NPAS2: variants seen among roughly 807,000 people sequenced by gnomAD.
NPAS2 encodes neuronal PAS domain protein 2.
NPAS2 carries 23 observed loss-of-function variants against 107.5 expected under a neutral mutation model. That is an observed-to-expected ratio of 0.21 (90% CI 0.15 to 0.30). NPAS2 has a LOEUF of 0.30. NPAS2 is among the 10% of genes least tolerant of loss of function. NPAS2 has a pLI of 1.00. For missense variants in NPAS2, 756 were observed against 1,043.3 expected, an observed-to-expected ratio of 0.72 and a Z score of 3.79; for synonymous variants, 403 against 417.5, an observed-to-expected ratio of 0.97 and a Z score of 0.42.
At position 100,968,490 on chromosome 2, in the gene NPAS2, T is replaced by C. The variant is rs547089042; in HGVS notation, c.1055+62T>C. ...TCGCACCTGGGGGAGGGGTGCAGGA[T>C]GGCGTGGCCCCTGATGGCCAAGTCA... On this transcript the variant is annotated intron_variant, in intron 11 of 20. Coordinates refer to ENST00000335681, the MANE Select transcript of NPAS2 (RefSeq NM_002518.4). This position sits in a 1 kb window ranked among gnomAD's most constrained non-coding sequence, Gnocchi z 5.3. The C allele has an allele frequency of 1.1e-5, 17 of 1,546,780 alleles. No homozygotes were observed. In the African/African-American group the frequency reaches 1.8e-4, roughly 16 times the overall value.
chr2:100,986,747 A>G (rs1677802668), intron 16 of NPAS2: 1 of 152,232 alleles, frequency 6.6e-6, no homozygotes, highest in African/African-American at 2.4e-5. Context: ...AAAAAGAGCA[A>G]TGCTCTAACT....
chr2:100,906,224 C>A (rs1682135779), intron 2 of NPAS2, among the ~76,000 whole-genome samples: 1 of 152,228 alleles, frequency 6.6e-6, no homozygotes, highest in African/African-American at 2.4e-5. Context: ...CTGTAGGTCA[C>A]AACCTACAAG....
intron 1 of NPAS2, among the ~76,000 whole-genome samples, chr2:100,862,757 T>C (rs1482973106): frequency 6.6e-6 from 1 of 152,206 alleles, no homozygotes; most frequent in Non-Finnish European, 1.5e-5. Flanking sequence ...TTAGATTCTA[T>C]GTGGAAAGGG....
chr2:100,860,913 G>A (rs943203358), intron 1 of NPAS2, among the ~76,000 whole-genome samples: 2 of 151,912 alleles, frequency 1.3e-5, no homozygotes, highest in Non-Finnish European at 2.9e-5. Context: ...TGTGTTTTGA[G>A]ACAGGGTCTT....
chr2:100,831,287 C>T (rs1229550048), intron 1 of NPAS2, among the ~76,000 whole-genome samples: 2 of 152,028 alleles, frequency 1.3e-5, no homozygotes, highest in Non-Finnish European at 2.9e-5. Context: ...CAAAGCAAGA[C>T]TCTGTCTCAA....
At chr2:100,821,290 G>T in intron 1 of NPAS2, 2 of 1,101,510 alleles carry the variant, frequency 1.8e-6, no homozygotes, top group Non-Finnish European at 2.4e-6. Flanking sequence ...ATATACGCAC[G>T]CACTTCCACA....
intron 4 of NPAS2, among the ~76,000 whole-genome samples, chr2:100,937,147 G>A (rs1684373047): frequency 6.6e-6 from 1 of 152,128 alleles, no homozygotes; most frequent in African/African-American, 2.4e-5. Context: ...ATTCTGAAAT[G>A]CTTACGGATC....
intron 2 of NPAS2, among the ~76,000 whole-genome samples, chr2:100,924,629 T>C (rs570135287): frequency 6.6e-5 from 10 of 152,326 alleles, no homozygotes; most frequent in African/African-American, 2.4e-4. Flanking sequence ...CCCTGGCTGT[T>C]GTAGGCAGGG....
At position 100,938,895 on chromosome 2, in the gene NPAS2, C is replaced by T. The variant is rs543483780; in HGVS notation, c.363+1053C>T. On this transcript the variant is annotated intron_variant, in intron 5 of 20. Transcript: ENST00000335681. ...GCCCAGCCAAAACCTTCCCCACCACCCCCGACCCCTGCTCATCCATGGATA... is the reference window on the plus strand; with the variant it reads ...GCCCAGCCAAAACCTTCCCCACCACTCCCGACCCCTGCTCATCCATGGATA... Among the ~76,000 whole-genome samples, 4 of 152,156 alleles carry T rather than the reference C, an allele frequency of 2.6e-5. No individual in the cohort carries two copies. In the East Asian group the frequency reaches 7.7e-4, roughly 29 times the overall value.
At chr2:100,958,652 G>A (rs1475474857) in intron 7 of NPAS2, among the ~76,000 whole-genome samples, 1 of 152,190 alleles carries the variant, frequency 6.6e-6, no homozygotes, top group Non-Finnish European at 1.5e-5. Context: ...GGAATGGTCA[G>A]GCTTTTAAGC....
chr2:100,943,209 C>T (rs1282442093), intron 5 of NPAS2, among the ~76,000 whole-genome samples: 1 of 152,236 alleles, frequency 6.6e-6, no homozygotes, highest in Non-Finnish European at 1.5e-5. Flanking sequence ...CAGAACTTGG[C>T]ATTGTCAGAC....
At chr2:100,821,085 C>A in intron 1 of NPAS2, 1 of 1,304,350 alleles carries the variant, frequency 7.7e-7, no homozygotes, top group Non-Finnish European at 1.0e-6. Context: ...GAGGGACGCA[C>A]CTTTGACCTT....
intron 16 of NPAS2, chr2:100,985,916 A>G (rs1677749844): frequency 6.6e-6 from 1 of 152,232 alleles, no homozygotes; most frequent in Admixed American, 6.5e-5. Context: ...CCTCTCATCA[A>G]TAAAGGTTGG....
intron 1 of NPAS2, among the ~76,000 whole-genome samples, chr2:100,853,309 G>A (rs1490449658): frequency 6.6e-6 from 1 of 152,176 alleles, no homozygotes; most frequent in African/African-American, 2.4e-5. Context: ...AGCATCATAT[G>A]TAAATTTCAA....
chr2:100,915,065 G>A (rs1475584095), intron 2 of NPAS2, among the ~76,000 whole-genome samples: 2 of 152,200 alleles, frequency 1.3e-5, no homozygotes, highest in Non-Finnish European at 2.9e-5. Flanking sequence ...CTCAGATTGT[G>A]CAAGGTTAAA....
chr2:100,984,527 A>G (rs1677663463), intron 16 of NPAS2: 2 of 152,256 alleles, frequency 1.3e-5, no homozygotes, highest in South Asian at 2.1e-4. Flanking sequence ...ATAAGCAGAT[A>G]ACACTAATGA....
At chr2:100,932,366 A>G (rs926577880) in intron 3 of NPAS2, among the ~76,000 whole-genome samples, 1 of 152,274 alleles carries the variant, frequency 6.6e-6, no homozygotes, top group African/African-American at 2.4e-5. Flanking sequence ...TGAGAAGAGT[A>G]CATTATGTGT....
At chr2:100,834,609 T>G (rs2104385905) in intron 1 of NPAS2, among the ~76,000 whole-genome samples, 1 of 152,300 alleles carries the variant, frequency 6.6e-6, no homozygotes, top group Admixed American at 6.5e-5. Flanking sequence ...GGGGTCAGGG[T>G]CAGCTGCAGG....
At position 100,977,803 on chromosome 2, in the gene NPAS2, A is replaced by G. The variant is rs1167875404; in HGVS notation, c.1482+4A>G. On this transcript the variant is annotated splice_donor_region_variant and intron_variant, in intron 15 of 20. Coordinates refer to ENST00000335681, the MANE Select transcript of NPAS2 (RefSeq NM_002518.4). The stretch of plus-strand genomic sequence containing the variant: ...CACGCCCGCTCCCATGGCACAGGTG[A>G]GTCTGGGACCCAGGAAAGGGCAGCC... 6.2e-7 allele frequency: 1 copy of G among 1,613,362 alleles called. No individual in the cohort carries two copies. Among genetic ancestry groups the G allele is most frequent in the East Asian group, 2.2e-5 (1 of 44,878 alleles).
Sources: allele counts gnomAD v4.1 joint callset (sites outside exome capture counted in the v4.1 genomes callset), GRCh38; gene constraint gnomAD v4.1.1; non-coding constraint Gnocchi (gnomAD v3.1); transcripts MANE v1.5; gene names NCBI Gene and HGNC (gene_info 2026-07-23, HGNC 2026-07-21).